The following GALNT18 variants were observed in gnomAD, a reference collection of about 807,000 sequenced individuals.
GALNT18 encodes the protein polypeptide N-acetylgalactosaminyltransferase 18, also known as GalNAc-transferase 18.
GALNT18 carries 44 observed loss-of-function variants against 69.5 expected under a neutral mutation model. That is an observed-to-expected ratio of 0.63 (90% CI 0.50 to 0.81). The LOEUF is 0.81. Among genes scored for constraint, GALNT18 ranks in the 40% least tolerant of loss-of-function variants. The probability of loss-of-function intolerance (pLI) is 0.00; values close to 1 mark genes in which losing one functional copy is unlikely to be tolerated. For missense variants in GALNT18, 715 were observed against 810.0 expected (o/e 0.88, Z 1.42); for synonymous variants, 364 against 318.2 (o/e 1.14, Z -1.53).
chr11:11,536,001 C>G (rs1857764277), intron 1 of GALNT18, among the ~76,000 whole-genome samples: 1 of 152,164 alleles, frequency 6.6e-6, no homozygotes, highest in East Asian at 1.9e-4. Flanking sequence ...GGTCCAAGTC[C>G]TCCACCCATT....
chr11:11,563,051 C>T lies in GALNT18; in HGVS notation c.235+58308G>A, dbSNP rs1565014722. Among the ~76,000 whole-genome samples, 1 of 152,142 alleles carries T rather than the reference C, an allele frequency of 6.6e-6. No homozygotes were observed. The highest frequency in any genetic ancestry group is 2.4e-5 in the African/African-American group (1 of 41,414). On this transcript the variant is annotated intron_variant, in intron 1 of 10. Transcript: ENST00000227756. This position sits in a 1 kb window ranked among gnomAD's most constrained non-coding sequence, Gnocchi z 4.6. ...CCTGACGTTTTGTGCTTCATGGCTT[C>T]CCTATATACTTCCACCCCCACCCTG...
intron 3 of GALNT18, among the ~76,000 whole-genome samples, chr11:11,407,688 C>T (rs1489139258): frequency 6.6e-6 from 1 of 152,156 alleles, no homozygotes; most frequent in Non-Finnish European, 1.5e-5. Context: ...AAGGGAGCTG[C>T]AAAACTTTAT....
In GALNT18 at chr11:11,598,090, G is replaced by C. The variant is rs140657057; in HGVS notation, c.235+23269C>G. ...GGCTTTCTATTCTCCATTTATTTCA[G>C]TGCTAATCCTTACCTTTCTTCCACT... On this transcript the variant is annotated intron_variant, in intron 1 of 10. Transcript: ENST00000227756. The surrounding 1 kb of genome is among the most constrained non-coding windows in gnomAD (Gnocchi z 4.8). Among the ~76,000 whole-genome samples the C allele has an allele frequency of 7.5e-3, 1,134 of 151,996 alleles. 19 individuals are homozygous for C. The highest frequency in any genetic ancestry group is 0.026 in the African/African-American group (1,080 of 41,436).
In GALNT18 at chr11:11,396,113, A is replaced by G. The variant is rs1589967215; in HGVS notation, c.596-16849T>C. Reference sequence around the variant, plus strand: ...CCCATGGGGCTGAACAGTCCCAAAGAGTTAGAGAGAAAAGTCTTTAAAGTC... The same window carrying G: ...CCCATGGGGCTGAACAGTCCCAAAGGGTTAGAGAGAAAAGTCTTTAAAGTC... On this transcript the variant is annotated intron_variant, in intron 3 of 10. Coordinates refer to ENST00000227756, the MANE Select transcript of GALNT18 (RefSeq NM_198516.3). This position sits in a 1 kb window ranked among gnomAD's most constrained non-coding sequence, Gnocchi z 5.2. Among the ~76,000 whole-genome samples, 1 of 152,174 alleles carries G rather than the reference A, an allele frequency of 6.6e-6. No homozygotes were observed.
At position 11,600,187 on chromosome 11, in the gene GALNT18, G is replaced by A. The variant is rs781602996; in HGVS notation, c.235+21172C>T. On this transcript the variant is annotated intron_variant, in intron 1 of 10. Coordinates refer to ENST00000227756, the MANE Select transcript of GALNT18 (RefSeq NM_198516.3). The surrounding 1 kb of genome is among the most constrained non-coding windows in gnomAD (Gnocchi z 4.8). ...GAAAGGAGGAGAAATATACAAATAC[G>A]TTGTTTTTTATAATGGCTTATATAA... is the stretch of plus-strand genomic sequence containing the variant. Among the ~76,000 whole-genome samples, 31 of 152,026 alleles carry A rather than the reference G, an allele frequency of 2.0e-4. No homozygotes were observed. Among genetic ancestry groups the A allele is most frequent in the African/African-American group, 4.6e-4 (19 of 41,530 alleles).
chr11:11,536,614 C>T (rs1857778746), intron 1 of GALNT18, among the ~76,000 whole-genome samples: 1 of 151,238 alleles, frequency 6.6e-6, no homozygotes, highest in African/African-American at 2.4e-5. Flanking sequence ...CCGCCAAGAC[C>T]TTTAGCAACT....
chr11:11,549,788 C>T (rs1254038861), intron 1 of GALNT18, among the ~76,000 whole-genome samples: 1 of 152,234 alleles, frequency 6.6e-6, no homozygotes, highest in Non-Finnish European at 1.5e-5. Context: ...CCTGCCCTGA[C>T]ACACTGGAGG....
chr11:11,497,937 T>C lies in GALNT18; in HGVS notation c.236-49001A>G, dbSNP rs570555455. ...ATTATAATTCATTTTTCAGGCCTTG[T>C]TCAGCTGGTAAAAAAAATAAAAAAT... On this transcript the variant is annotated intron_variant, in intron 1 of 10. Transcript: ENST00000227756. This position sits in a 1 kb window ranked among gnomAD's most constrained non-coding sequence, Gnocchi z 4.2. Among the ~76,000 whole-genome samples, 1 of 152,200 alleles carries C rather than the reference T, an allele frequency of 6.6e-6. No individual in the cohort carries two copies. The highest frequency in any genetic ancestry group is 2.4e-5 in the African/African-American group (1 of 41,566).
intron 9 of GALNT18, among the ~76,000 whole-genome samples, chr11:11,300,175 T>A (rs1337481430): frequency 6.6e-6 from 1 of 152,264 alleles, no homozygotes; most frequent in African/African-American, 2.4e-5. Context: ...ACTAGCTGTT[T>A]TTCCTCCATT....
At chr11:11,272,859 G>A (rs1848855521) in intron 10 of GALNT18, among the ~76,000 whole-genome samples, 2 of 152,164 alleles carry the variant, frequency 1.3e-5, no homozygotes, top group South Asian at 4.1e-4. Context: ...ACTTCTTGAA[G>A]GATGTCATCC....
intron 2 of GALNT18, among the ~76,000 whole-genome samples, chr11:11,437,094 C>T (rs980317271): frequency 1.3e-5 from 2 of 152,170 alleles, no homozygotes; most frequent in African/African-American, 4.8e-5. Context: ...CTGATGTCTG[C>T]CTCTGCACTT....
At chr11:11,529,702 T>C (rs375068247) in intron 1 of GALNT18, among the ~76,000 whole-genome samples, 1 of 151,994 alleles carries the variant, frequency 6.6e-6, no homozygotes, top group East Asian at 1.9e-4. Flanking sequence ...CACGTGCATG[T>C]TAGAGGGGAG....
At chr11:11,327,033 T>C in intron 9 of GALNT18, 53 bp downstream of exon 9, 1 of 1,293,710 alleles carries the variant, frequency 7.7e-7, no homozygotes, top group East Asian at 2.3e-5. Context: ...TCCTTCCCCA[T>C]GCCAGGCACT....
rs1200987495 is a variant in GALNT18, at chr11:11,405,759, C to T, written c.596-26495G>A. On this transcript the variant is annotated intron_variant, in intron 3 of 10. Transcript: ENST00000227756. The stretch of plus-strand genomic sequence containing the variant: ...GCTATCAGATGGAAGAGAGCAAGTT[C>T]ACGTTTCCTGAGAGTGAGAAAAGTC... 2.6e-5 allele frequency among the ~76,000 whole-genome samples: 4 copies of T among 152,344 alleles called. No individual in the cohort carries two copies. In the East Asian group the frequency reaches 7.7e-4, roughly 29 times the overall value.
At chr11:11,519,395 T>C (rs1365231281) in intron 1 of GALNT18, among the ~76,000 whole-genome samples, 2 of 151,958 alleles carry the variant, frequency 1.3e-5, no homozygotes, top group Non-Finnish European at 2.9e-5. Flanking sequence ...CTGGGAGCAT[T>C]GTTCACGGAA....
At chr11:11,446,186 A>G (rs941630640) in intron 2 of GALNT18, among the ~76,000 whole-genome samples, 10 of 152,210 alleles carry the variant, frequency 6.6e-5, no homozygotes, top group African/African-American at 2.4e-4. Context: ...TCAAACCGGA[A>G]GAATCTACCA....
chr11:11,370,507 T>C (rs1227552157), intron 6 of GALNT18, among the ~76,000 whole-genome samples: 3 of 152,146 alleles, frequency 2.0e-5, no homozygotes, highest in African/African-American at 7.2e-5. Flanking sequence ...TAACAGCTTG[T>C]TGGTTCTCTG....
intron 3 of GALNT18, among the ~76,000 whole-genome samples, chr11:11,403,581 G>C (rs985191536): frequency 5.3e-5 from 8 of 152,134 alleles, no homozygotes; most frequent in African/African-American, 1.7e-4. Flanking sequence ...TCTTCCCTCT[G>C]GAACTTCTCC....
rs575438462 is a variant in GALNT18, at chr11:11,511,833, G to A, written c.236-62897C>T. On this transcript the variant is annotated intron_variant, in intron 1 of 10. Coordinates refer to ENST00000227756, the MANE Select transcript of GALNT18 (RefSeq NM_198516.3). This position sits in a 1 kb window ranked among gnomAD's most constrained non-coding sequence, Gnocchi z 4.9. The stretch of plus-strand genomic sequence containing the variant: ...CCAGAAGAGGGCCCTCACCAGACCC[G>A]GACCACACTGGTACCCTGATCTGGG... 1.1e-4 allele frequency among the ~76,000 whole-genome samples: 17 copies of A among 152,110 alleles called. No individual in the cohort carries two copies. Among genetic ancestry groups the A allele is most frequent in the South Asian group, 6.2e-4 (3 of 4,808 alleles).
Sources: gnomAD v4.1 joint callset for allele counts (sites outside exome capture counted in the v4.1 genomes callset) on GRCh38, gnomAD v4.1.1 for gene constraint, Gnocchi (gnomAD v3.1) non-coding constraint, MANE v1.5 for transcripts, NCBI Gene and HGNC (gene_info 2026-07-23, HGNC 2026-07-21) for gene names.